Variants in CSMD1 observed in about 807,000 individuals in gnomAD.
The protein encoded by CSMD1 is CUB and sushi domain-containing protein 1.
A neutral mutation model predicts 417.5 loss-of-function variants in CSMD1; 213 were observed. The observed-to-expected ratio is 0.51, with a 90% CI of 0.46 to 0.57. The LOEUF is 0.57. CSMD1 is among the 20% of genes least tolerant of loss of function. CSMD1 has a pLI of 0.00. For missense variants in CSMD1, 6,923 were observed against 4,529.7 expected (o/e 1.53, Z -15.17); for synonymous variants, 2,862 against 1,736.8 (o/e 1.65, Z -16.11).
chr8:3,021,928 C>T (rs1452275219), intron 51 of CSMD1, among the ~76,000 whole-genome samples: 1 of 149,674 alleles, frequency 6.7e-6, no homozygotes, highest in Non-Finnish European at 1.5e-5. Context: ...CACAATCCCA[C>T]AGCATCCGGA....
chr8:3,719,353 C>T (rs917463519), intron 6 of CSMD1, among the ~76,000 whole-genome samples: 9 of 152,124 alleles, frequency 5.9e-5, no homozygotes, highest in Non-Finnish European at 1.2e-4. Flanking sequence ...AATCCTGAGC[C>T]ACAGCCTCGG....
chr8:4,919,809 G>A (rs1479615341), intron 1 of CSMD1, among the ~76,000 whole-genome samples: 1 of 152,046 alleles, frequency 6.6e-6, no homozygotes, highest in Non-Finnish European at 1.5e-5. Flanking sequence ...ATTATAAAAG[G>A]GCATGACCCA....
At chr8:4,441,179 G>T (rs1407847308) in intron 2 of CSMD1, among the ~76,000 whole-genome samples, 3 of 123,206 alleles carry the variant, frequency 2.4e-5, no homozygotes, top group African/African-American at 9.1e-5. Context: ...GTTCACTGCA[G>T]TCTCAAACTC....
chr8:4,329,028 C>G (rs888321554), intron 3 of CSMD1, among the ~76,000 whole-genome samples: 1 of 152,030 alleles, frequency 6.6e-6, no homozygotes, highest in African/African-American at 2.4e-5. Flanking sequence ...ATCAATCTTC[C>G]TTTGTAAGTC....
intron 5 of CSMD1, among the ~76,000 whole-genome samples, chr8:3,997,667 A>G (rs1815320778): frequency 6.6e-6 from 1 of 152,206 alleles, no homozygotes; most frequent in Admixed American, 6.5e-5. Context: ...CAGCACTACA[A>G]GTTCAAGCAC....
chr8:4,030,356 C>T (rs999915379), intron 4 of CSMD1, among the ~76,000 whole-genome samples: 4 of 152,216 alleles, frequency 2.6e-5, no homozygotes, highest in African/African-American at 4.8e-5. Flanking sequence ...GAAATCTAGG[C>T]AAAGGTTCCC....
At chr8:4,109,915 C>A (rs1242655921) in intron 3 of CSMD1, among the ~76,000 whole-genome samples, 3 of 152,032 alleles carry the variant, frequency 2.0e-5, no homozygotes, top group Non-Finnish European at 4.4e-5. Flanking sequence ...GCAATTTGGG[C>A]ACAGAAAATG....
At chr8:3,758,289 G>A (rs999921000) in intron 5 of CSMD1, among the ~76,000 whole-genome samples, 3 of 152,216 alleles carry the variant, frequency 2.0e-5, no homozygotes, top group African/African-American at 4.8e-5. Flanking sequence ...TTATAGAGAA[G>A]CAAGGGTGAG....
intron 3 of CSMD1, among the ~76,000 whole-genome samples, chr8:4,104,785 G>A (rs1801485119): frequency 6.6e-6 from 1 of 152,160 alleles, no homozygotes. Context: ...GGAACTGCTG[G>A]CTATTTGCTG....
chr8:4,403,637 C>T (rs994464704), intron 3 of CSMD1, among the ~76,000 whole-genome samples: 5 of 152,104 alleles, frequency 3.3e-5, no homozygotes, highest in African/African-American at 1.2e-4. Flanking sequence ...TCTACTTAGT[C>T]GGTGTTTATT....
chr8:3,791,870 G>A (rs1188654978), intron 5 of CSMD1, among the ~76,000 whole-genome samples: 2 of 151,884 alleles, frequency 1.3e-5, no homozygotes, highest in Non-Finnish European at 2.9e-5. Context: ...CTTTGTATAG[G>A]TTGGTGCAAA....
chr8:4,452,175 C>G (rs1799185501), intron 2 of CSMD1, among the ~76,000 whole-genome samples: 1 of 152,054 alleles, frequency 6.6e-6, no homozygotes, highest in Non-Finnish European at 1.5e-5. Context: ...CCTCTTCCTT[C>G]TCTTCGCTTA....
At chr8:3,438,502 T>C (rs920714923) in intron 12 of CSMD1, among the ~76,000 whole-genome samples, 9 of 152,204 alleles carry the variant, frequency 5.9e-5, no homozygotes, top group Admixed American at 3.9e-4. Context: ...TAGAAATGCA[T>C]GTGACCTTCT....
chr8:4,632,191 G>C (rs2130845449), intron 2 of CSMD1, among the ~76,000 whole-genome samples: 1 of 152,234 alleles, frequency 6.6e-6, no homozygotes, highest in East Asian at 1.9e-4. Flanking sequence ...GAGTTGCCCT[G>C]AATCAGGAAT....
intron 5 of CSMD1, among the ~76,000 whole-genome samples, chr8:3,782,700 T>C (rs1799247497): frequency 6.6e-6 from 1 of 152,156 alleles, no homozygotes; most frequent in Non-Finnish European, 1.5e-5. Flanking sequence ...AAGCTAATAG[T>C]TTTTGGCTAG....
intron 8 of CSMD1, among the ~76,000 whole-genome samples, chr8:3,606,385 C>A (rs1439662199): frequency 6.6e-6 from 1 of 152,148 alleles, no homozygotes; most frequent in East Asian, 1.9e-4. Context: ...TGTTACTGTA[C>A]TGAGTACTGT....
chr8:4,256,244 T>C (rs896691612), intron 3 of CSMD1, among the ~76,000 whole-genome samples: 4 of 152,214 alleles, frequency 2.6e-5, no homozygotes, highest in Non-Finnish European at 5.9e-5. Flanking sequence ...CAACCTTCTC[T>C]CTCTGCTTTG....
intron 6 of CSMD1, among the ~76,000 whole-genome samples, chr8:3,719,736 A>G (rs1438595174): frequency 1.3e-5 from 2 of 152,126 alleles, no homozygotes; most frequent in South Asian, 2.1e-4. Context: ...ATGTACAAAT[A>G]TATACTGGCT....
intron 2 of CSMD1, among the ~76,000 whole-genome samples, chr8:4,441,316 C>A (rs183049375): frequency 7.2e-6 from 1 of 138,826 alleles, no homozygotes; most frequent in Non-Finnish European, 1.5e-5. Context: ...TCTCACTCTG[C>A]CCCCTAGGCT....
Sources: gnomAD v4.1 joint callset for allele counts (sites outside exome capture counted in the v4.1 genomes callset) on GRCh38, gnomAD v4.1.1 for gene constraint, MANE v1.5 for transcripts, NCBI Gene and HGNC (gene_info 2026-07-23, HGNC 2026-07-21) for gene names.